The following ASAP1 variants were observed in gnomAD, a reference collection of about 807,000 sequenced individuals.
The protein encoded by ASAP1 is ArfGAP with SH3 domain, ankyrin repeat and PH domain 1.
A neutral mutation model predicts 145.2 loss-of-function variants in ASAP1; 43 were observed. The ratio of observed to expected loss-of-function variants is 0.30; its 90% CI spans 0.23 to 0.38. ASAP1 has a LOEUF of 0.38. Ranked by LOEUF, ASAP1 falls within the 10% of genes least tolerant of loss-of-function variation. ASAP1 has a pLI of 1.00. For synonymous variants in ASAP1, 546 were observed against 515.5 expected, an observed-to-expected ratio of 1.06 and a Z score of -0.80; for missense variants, 1,018 against 1,355.3, an observed-to-expected ratio of 0.75 and a Z score of 3.91.
intron 13 of ASAP1, among the ~76,000 whole-genome samples, chr8:130,143,177 T>C (rs1028707695): frequency 8.5e-5 from 13 of 152,224 alleles, no homozygotes; most frequent in Non-Finnish European, 1.8e-4. Flanking sequence ...TCTCTAAATA[T>C]AGTTATGACA....
chr8:130,297,699 C>T (rs1822371090), intron 3 of ASAP1, among the ~76,000 whole-genome samples: 1 of 152,168 alleles, frequency 6.6e-6, no homozygotes, highest in South Asian at 2.1e-4. Flanking sequence ...GAGTCCACTG[C>T]TGTCAGAGAC....
chr8:130,078,397 C>T (rs904805027), intron 26 of ASAP1, among the ~76,000 whole-genome samples: 27 of 152,036 alleles, frequency 1.8e-4, no homozygotes, highest in African/African-American at 2.4e-5. Context: ...TGGGCTCAGG[C>T]GGTCCTCTTG....
intron 1 of ASAP1, among the ~76,000 whole-genome samples, chr8:130,424,337 G>A (rs1488533747): frequency 2.0e-5 from 3 of 152,100 alleles, no homozygotes; most frequent in South Asian, 2.1e-4. Flanking sequence ...TTGGTCTGAC[G>A]GCCTAGCCCC....
At chr8:130,255,193 A>G (rs1234915110) in intron 3 of ASAP1, among the ~76,000 whole-genome samples, 1 of 152,206 alleles carries the variant, frequency 6.6e-6, no homozygotes, top group East Asian at 1.9e-4. Flanking sequence ...TTTCCTACTT[A>G]TCACAAGGCA....
At chr8:130,282,078 A>G (rs1238787824) in intron 3 of ASAP1, among the ~76,000 whole-genome samples, 1 of 152,088 alleles carries the variant, frequency 6.6e-6, no homozygotes, top group Admixed American at 6.5e-5. Context: ...CGAAAAAAAA[A>G]AAAAAAGGAA....
At chr8:130,420,943 T>C (rs1829696426) in intron 1 of ASAP1, among the ~76,000 whole-genome samples, 1 of 151,742 alleles carries the variant, frequency 6.6e-6, no homozygotes, top group Non-Finnish European at 1.5e-5. Context: ...CACAAAATTA[T>C]GAGTCTTCCC....
At chr8:130,365,620 A>G (rs561331555) in intron 2 of ASAP1, among the ~76,000 whole-genome samples, 1 of 152,306 alleles carries the variant, frequency 6.6e-6, no homozygotes, top group Non-Finnish European at 1.5e-5. Flanking sequence ...CTTCTGTGCT[A>G]TATCAAGAAT....
At chr8:130,308,406 T>C (rs1275684138) in intron 3 of ASAP1, among the ~76,000 whole-genome samples, 1 of 152,268 alleles carries the variant, frequency 6.6e-6, no homozygotes, top group African/African-American at 2.4e-5. Context: ...ACATTTTTTA[T>C]TCTGTATGTA....
chr8:130,141,871 C>T (rs920347263), intron 13 of ASAP1, among the ~76,000 whole-genome samples: 2 of 152,006 alleles, frequency 1.3e-5, no homozygotes, highest in African/African-American at 4.8e-5. Flanking sequence ...GCATGCCTCA[C>T]CATGCTTGAC....
At chr8:130,293,425 C>T (rs1020478641) in intron 3 of ASAP1, among the ~76,000 whole-genome samples, 2 of 152,254 alleles carry the variant, frequency 1.3e-5, no homozygotes, top group Non-Finnish European at 2.9e-5. Context: ...ACATCCATCG[C>T]TCATGCCCCA....
intron 3 of ASAP1, among the ~76,000 whole-genome samples, chr8:130,346,147 AAAAAC>A (rs1188437480): frequency 2.0e-5 from 3 of 152,246 alleles, no homozygotes; most frequent in Non-Finnish European, 2.9e-5. Context: ...TAACTACATT[AAAAAC>A]AAAACAAGTT....
At chr8:130,205,700 T>C (rs2136348595) in intron 5 of ASAP1, among the ~76,000 whole-genome samples, 1 of 151,812 alleles carries the variant, frequency 6.6e-6, no homozygotes, top group South Asian at 2.1e-4. Flanking sequence ...CTAATAGTCT[T>C]TATATATCAG....
At chr8:130,312,298 C>T (rs1469985119) in intron 3 of ASAP1, among the ~76,000 whole-genome samples, 1 of 150,620 alleles carries the variant, frequency 6.6e-6, no homozygotes, top group Non-Finnish European at 1.5e-5. Context: ...AAAAAAAGTA[C>T]CATGCCTAAA....
intron 6 of ASAP1, among the ~76,000 whole-genome samples, chr8:130,187,770 G>GA (rs1814837937): frequency 6.6e-6 from 1 of 152,162 alleles, no homozygotes; most frequent in African/African-American, 2.4e-5. Flanking sequence ...GAGGAAAGAA[G>GA]GGTAAGCGCC....
chr8:130,165,223 G>A (rs1218318411), intron 11 of ASAP1, among the ~76,000 whole-genome samples: 1 of 152,174 alleles, frequency 6.6e-6, no homozygotes. Context: ...ACAAAAAGGG[G>A]TTGTAACAGT....
At chr8:130,263,984 G>A (rs959261352) in intron 3 of ASAP1, among the ~76,000 whole-genome samples, 2 of 152,180 alleles carry the variant, frequency 1.3e-5, no homozygotes, top group Admixed American at 1.3e-4. Flanking sequence ...TGCACACACT[G>A]ACAACTTAGG....
intron 1 of ASAP1, among the ~76,000 whole-genome samples, chr8:130,423,093 A>T (rs1443935859): frequency 6.6e-6 from 1 of 152,166 alleles, no homozygotes; most frequent in Non-Finnish European, 1.5e-5. Context: ...TACAACAACT[A>T]TTACAATCCA....
intron 7 of ASAP1, among the ~76,000 whole-genome samples, chr8:130,183,868 G>T (rs1345225865): frequency 6.6e-6 from 1 of 152,048 alleles, no homozygotes; most frequent in African/African-American, 2.4e-5. Context: ...AGAGTCAAAC[G>T]CCATCCCAGG....
intron 1 of ASAP1, among the ~76,000 whole-genome samples, chr8:130,438,692 C>G (rs1322663905): frequency 6.6e-6 from 1 of 152,122 alleles, no homozygotes; most frequent in Non-Finnish European, 1.5e-5. Flanking sequence ...AGTGAACAAT[C>G]GGGCCGACAG....
Sources: allele counts gnomAD v4.1 joint callset (sites outside exome capture counted in the v4.1 genomes callset), GRCh38; gene constraint gnomAD v4.1.1; transcripts MANE v1.5; gene names NCBI Gene and HGNC (gene_info 2026-07-23, HGNC 2026-07-21).